Variants in PTPRD observed in about 807,000 individuals in gnomAD.
PTPRD encodes the protein protein tyrosine phosphatase receptor type D.
A neutral mutation model predicts 214.5 loss-of-function variants in PTPRD; 34 were observed. That is an observed-to-expected ratio of 0.16 (90% CI 0.12 to 0.21). The LOEUF is 0.21. Ranked by LOEUF, PTPRD falls within the 10% of genes least tolerant of loss-of-function variation. The pLI is 1.00. For missense variants in PTPRD, 2,545 were observed against 2,398.7 expected (o/e 1.06, Z -1.27); for synonymous variants, 1,128 against 845.7 (o/e 1.33, Z -5.79).
intron 8 of PTPRD, among the ~76,000 whole-genome samples, chr9:9,490,137 C>T (rs1365916992): frequency 6.6e-6 from 1 of 151,982 alleles, no homozygotes; most frequent in Non-Finnish European, 1.5e-5. Flanking sequence ...AATTGCCAAA[C>T]AAGAATGCTA....
chr9:8,669,042 G>A (rs1448772519), intron 12 of PTPRD, among the ~76,000 whole-genome samples: 1 of 152,068 alleles, frequency 6.6e-6, no homozygotes, highest in Non-Finnish European at 1.5e-5. Flanking sequence ...CGGAGAGAGA[G>A]AAGACTCAAT....
intron 10 of PTPRD, among the ~76,000 whole-genome samples, chr9:9,167,611 C>T (rs1315245767): frequency 2.0e-5 from 3 of 151,474 alleles, no homozygotes; most frequent in African/African-American, 4.9e-5. Flanking sequence ...AAAAATTAGC[C>T]GGGTATGGTG....
intron 8 of PTPRD, among the ~76,000 whole-genome samples, chr9:9,496,227 A>G (rs570787165): frequency 1.3e-5 from 2 of 152,338 alleles, no homozygotes; most frequent in African/African-American, 4.8e-5. Flanking sequence ...CTTTAGGAGA[A>G]TTCTTTAAAA....
intron 2 of PTPRD, among the ~76,000 whole-genome samples, chr9:10,528,920 T>C (rs1047835347): frequency 1.3e-5 from 2 of 152,176 alleles, no homozygotes; most frequent in Non-Finnish European, 2.9e-5. Flanking sequence ...TTTGTGTGGA[T>C]AGGGTTAGTT....
chr9:9,626,112 C>T (rs566129735), intron 7 of PTPRD, among the ~76,000 whole-genome samples: 3 of 152,152 alleles, frequency 2.0e-5, no homozygotes, highest in African/African-American at 7.2e-5. Flanking sequence ...AGTTTATCAA[C>T]GTGTGGTCTA....
chr9:8,332,389 T>TATGACTGTGCTGTTA (rs1333745221), intron 43 of PTPRD, among the ~76,000 whole-genome samples: 29 of 152,256 alleles, frequency 1.9e-4, no homozygotes, highest in African/African-American at 7.0e-4. Flanking sequence ...GCATGAACCA[T>TATGACTGTGCTGTTA]ATGACTGTGC....
intron 11 of PTPRD, among the ~76,000 whole-genome samples, chr9:8,934,273 A>G (rs1054299096): frequency 1.3e-5 from 2 of 149,836 alleles, no homozygotes; most frequent in African/African-American, 4.9e-5. Context: ...GTGAAGGCCC[A>G]TCCTCCTAAA....
chr9:9,152,416 C>T (rs772521370), intron 10 of PTPRD, among the ~76,000 whole-genome samples: 1 of 152,186 alleles, frequency 6.6e-6, no homozygotes, highest in African/African-American at 2.4e-5. Context: ...TGAACACTTT[C>T]ACTCCTTGAT....
intron 2 of PTPRD, among the ~76,000 whole-genome samples, chr9:10,450,431 A>C (rs1041441932): frequency 3.3e-5 from 5 of 151,958 alleles, no homozygotes; most frequent in Non-Finnish European, 7.3e-5. Context: ...TATTTAAGGC[A>C]TGCTATTTGT....
At chr9:9,753,218 G>C (rs1467863884) in intron 6 of PTPRD, among the ~76,000 whole-genome samples, 2 of 152,002 alleles carry the variant, frequency 1.3e-5, no homozygotes, top group Admixed American at 6.6e-5. Context: ...GCCCAGTACA[G>C]AATCTATTCC....
intron 7 of PTPRD, among the ~76,000 whole-genome samples, chr9:9,620,362 G>T (rs1056191554): frequency 1.3e-5 from 2 of 152,008 alleles, no homozygotes; most frequent in African/African-American, 4.8e-5. Context: ...TCAATGCTAG[G>T]CCGGTAAATA....
At chr9:8,443,925 C>T (rs1015783586) in intron 34 of PTPRD, among the ~76,000 whole-genome samples, 1 of 152,092 alleles carries the variant, frequency 6.6e-6, no homozygotes, top group African/African-American at 2.4e-5. Context: ...TATATATCAC[C>T]ATCTTTTAAT....
intron 2 of PTPRD, among the ~76,000 whole-genome samples, chr9:10,446,029 T>A (rs575340871): frequency 2.7e-4 from 41 of 152,088 alleles, no homozygotes; most frequent in African/African-American, 9.6e-4. Context: ...TCAGTAAAGA[T>A]TCTTAACACA....
rs142386478 is a variant in PTPRD, at chr9:9,010,925, G to A, written c.-104+7772C>T. Among the ~76,000 whole-genome samples the A allele has an allele frequency of 5.2e-4, 79 of 152,210 alleles. 1 individual carries two copies. In the East Asian group the frequency reaches 0.014, roughly 26 times the overall value. On this transcript the variant is annotated intron_variant, in intron 11 of 45. Coordinates refer to ENST00000381196, the MANE Select transcript of PTPRD (RefSeq NM_002839.4). ...CAACAGCCACCAAGGGCGTCCTCACGAAAGTATGAATAAATACCATTATTT... is the reference window on the plus strand; with the variant it reads ...CAACAGCCACCAAGGGCGTCCTCACAAAAGTATGAATAAATACCATTATTT...
chr9:9,422,481 G>C (rs2079172860), intron 8 of PTPRD, among the ~76,000 whole-genome samples: 1 of 152,036 alleles, frequency 6.6e-6, no homozygotes, highest in African/African-American at 2.4e-5. Context: ...TAAAGCACTG[G>C]AGAGCTTTGA....
At chr9:10,179,880 A>G (rs2099271811) in intron 3 of PTPRD, among the ~76,000 whole-genome samples, 2 of 152,104 alleles carry the variant, frequency 1.3e-5, no homozygotes, top group East Asian at 3.8e-4. Context: ...TGCAAAACTA[A>G]GCATACTATT....
chr9:9,984,095 A>C (rs1588145610), intron 4 of PTPRD, among the ~76,000 whole-genome samples: 1 of 152,228 alleles, frequency 6.6e-6, no homozygotes, highest in Non-Finnish European at 1.5e-5. Context: ...TTCTCATTTT[A>C]AAAAATCATG....
intron 2 of PTPRD, among the ~76,000 whole-genome samples, chr9:10,469,965 G>C (rs2099019464): frequency 6.6e-6 from 1 of 151,698 alleles, no homozygotes; most frequent in African/African-American, 2.4e-5. Flanking sequence ...AAAATCTCAT[G>C]AAGGTAGTCA....
Position 8,878,643 on chromosome 9 carries a change from T to G in PTPRD, c.-104+140054A>C, listed in dbSNP as rs535331565. Among the ~76,000 whole-genome samples, 12 of 152,224 alleles carry G rather than the reference T, an allele frequency of 7.9e-5. No individual in the cohort carries two copies. In the East Asian group the frequency reaches 2.3e-3, roughly 29 times the overall value. On this transcript the variant is annotated intron_variant, in intron 11 of 45. Coordinates refer to ENST00000381196, the MANE Select transcript of PTPRD (RefSeq NM_002839.4). The stretch of plus-strand genomic sequence containing the variant: ...TCCAGGCTCAAGCAGTCCTCCCACC[T>G]CAGCCTCCTGAGTAGCTGGAATTAC...
Sources: allele counts gnomAD v4.1 joint callset (sites outside exome capture counted in the v4.1 genomes callset), GRCh38; gene constraint gnomAD v4.1.1; transcripts MANE v1.5; gene names NCBI Gene and HGNC (gene_info 2026-07-23, HGNC 2026-07-21).